Variants in RAPGEF5 observed in about 807,000 individuals in gnomAD.
RAPGEF5 encodes the protein M-Ras-regulated GEF.
Under a neutral mutation model 125.2 loss-of-function variants are expected in RAPGEF5, and 65 were observed. The observed-to-expected ratio is 0.52, with a 90% CI of 0.43 to 0.64. RAPGEF5 has a LOEUF of 0.64. Ranked by LOEUF, RAPGEF5 falls within the 30% of genes least tolerant of loss-of-function variation. RAPGEF5 has a pLI of 0.00. For synonymous variants in RAPGEF5, 391 were observed against 385.9 expected (o/e 1.01, Z -0.16); for missense variants, 958 against 1,048.1 (o/e 0.91, Z 1.19).
intron 7 of RAPGEF5, among the ~76,000 whole-genome samples, chr7:22,261,769 G>A (rs554989215): frequency 2.6e-5 from 4 of 152,004 alleles, no homozygotes; most frequent in African/African-American, 7.2e-5. Context: ...ATACAAATAC[G>A]CCCACATGAC....
At chr7:22,266,876 G>A in intron 7 of RAPGEF5, 88 bp downstream of exon 7, 5 of 1,321,658 alleles carry the variant, frequency 3.8e-6, no homozygotes, top group Non-Finnish European at 5.4e-6. Context: ...AACTTCCTGA[G>A]ATACACTCAA....
chr7:22,166,447 T>C (rs985260147), intron 12 of RAPGEF5, among the ~76,000 whole-genome samples: 4 of 152,226 alleles, frequency 2.6e-5, no homozygotes, highest in African/African-American at 9.6e-5. Context: ...TTTGTGGCAT[T>C]TCAATGATCC....
At chr7:22,129,159 T>G (rs528795025) in intron 24 of RAPGEF5, among the ~76,000 whole-genome samples, 457 of 148,614 alleles carry the variant, frequency 3.1e-3, no homozygotes, top group Admixed American at 5.1e-3. Context: ...CTTGTTCAGG[T>G]TTTTTTTTTA....
rs117392674 is a variant in RAPGEF5 at position 22,330,612 on chromosome 7, C to T, written c.232-12575G>A. Among the ~76,000 whole-genome samples the T allele has an allele frequency of 5.5e-3, 841 of 152,266 alleles. 9 individuals carry two copies. The highest frequency in any genetic ancestry group is 5.7e-3 in the Non-Finnish European group (391 of 68,026). On this transcript the variant is annotated intron_variant, in intron 1 of 25. Coordinates refer to ENST00000665637, the MANE Select transcript of RAPGEF5 (RefSeq NM_012294.5). ...AAGTGCTTAGGATCACTTTCTCTTG[C>T]CATTAACCTCTGAATAATCAAATCT...
intron 9 of RAPGEF5, among the ~76,000 whole-genome samples, chr7:22,198,807 T>A (rs1038709648): frequency 6.6e-6 from 1 of 152,172 alleles, no homozygotes; most frequent in Admixed American, 6.5e-5. Context: ...AATGATCCTA[T>A]GAGACTAATG....
intron 1 of RAPGEF5, among the ~76,000 whole-genome samples, chr7:22,324,999 A>G (rs536420018): frequency 2.0e-5 from 3 of 152,170 alleles, no homozygotes; most frequent in South Asian, 4.2e-4. Flanking sequence ...TCTCCTTTTT[A>G]TGAGACAAAC....
chr7:22,234,172 C>G (rs1021114491), intron 7 of RAPGEF5, among the ~76,000 whole-genome samples: 2 of 151,988 alleles, frequency 1.3e-5, no homozygotes, highest in East Asian at 3.9e-4. Flanking sequence ...TATATGGTCC[C>G]CTAAAAGGGA....
At chr7:22,153,651 C>T (rs1265717566) in intron 17 of RAPGEF5, among the ~76,000 whole-genome samples, 4 of 152,144 alleles carry the variant, frequency 2.6e-5, no homozygotes, top group Admixed American at 1.3e-4. Flanking sequence ...AACAGGAATG[C>T]GGTTAATCTG....
chr7:22,351,535 T>C (rs1320531277), intron 1 of RAPGEF5, among the ~76,000 whole-genome samples: 1 of 152,220 alleles, frequency 6.6e-6, no homozygotes, highest in African/African-American at 2.4e-5. Context: ...ACACACTCTG[T>C]AACCTCGGGC....
chr7:22,145,471 C>T (rs1162672011), intron 19 of RAPGEF5, among the ~76,000 whole-genome samples: 2 of 152,166 alleles, frequency 1.3e-5, no homozygotes, highest in Non-Finnish European at 2.9e-5. Context: ...TCTTTATATA[C>T]AAATCTAAGA....
chr7:22,218,485 T>C (rs1422682809), intron 9 of RAPGEF5, among the ~76,000 whole-genome samples: 1 of 152,170 alleles, frequency 6.6e-6, no homozygotes, highest in Non-Finnish European at 1.5e-5. Flanking sequence ...ATGCTCACAA[T>C]TAAACTATGA....
intron 24 of RAPGEF5, 127 bp downstream of exon 24, chr7:22,130,910 T>A: frequency 7.6e-7 from 1 of 1,321,426 alleles, no homozygotes; most frequent in Non-Finnish European, 1.0e-6. Context: ...ATGAAGCAAA[T>A]AAGCTCCTTG....
chr7:22,188,748 G>C (rs2128124316), intron 11 of RAPGEF5, among the ~76,000 whole-genome samples: 2 of 143,862 alleles, frequency 1.4e-5, no homozygotes, highest in Middle Eastern at 3.6e-3. Flanking sequence ...CCTGGTGACA[G>C]AGTGAGACTC....
intron 7 of RAPGEF5, among the ~76,000 whole-genome samples, chr7:22,235,047 C>G (rs1318304478): frequency 6.6e-6 from 1 of 152,050 alleles, no homozygotes; most frequent in South Asian, 2.1e-4. Context: ...ATCAACCAAC[C>G]CATTTCTTTA....
At chr7:22,229,022 A>G (rs939163474) in intron 8 of RAPGEF5, among the ~76,000 whole-genome samples, 19 of 152,256 alleles carry the variant, frequency 1.2e-4, no homozygotes, top group Admixed American at 9.8e-4. Context: ...CATGCATGCT[A>G]GGTACTGTCT....
chr7:22,166,972 T>A, intron 12 of RAPGEF5, 98 bp downstream of exon 12: 1 of 938,882 alleles, frequency 1.1e-6, no homozygotes, highest in South Asian at 1.5e-5. Flanking sequence ...CACATTCTAC[T>A]ATGGGGTTGA....
chr7:22,356,270 A>C (rs975041007), intron 1 of RAPGEF5: 21 of 984,922 alleles, frequency 2.1e-5, no homozygotes, highest in Non-Finnish European at 2.4e-5. Context: ...GAGGGTGTCC[A>C]GGAGTATTAA....
At chr7:22,331,757 A>G (rs1218850067) in intron 1 of RAPGEF5, among the ~76,000 whole-genome samples, 2 of 151,580 alleles carry the variant, frequency 1.3e-5, no homozygotes, top group South Asian at 2.1e-4. Context: ...AAAAAAAAAA[A>G]AAAAGAAAAA....
intron 24 of RAPGEF5, among the ~76,000 whole-genome samples, chr7:22,128,750 A>G (rs1782824201): frequency 6.6e-6 from 1 of 152,094 alleles, no homozygotes; most frequent in African/African-American, 2.4e-5. Flanking sequence ...CCAGGTGTGG[A>G]GCCTGCCCTC....
Sources: allele counts gnomAD v4.1 joint callset (sites outside exome capture counted in the v4.1 genomes callset), GRCh38; gene constraint gnomAD v4.1.1; transcripts MANE v1.5; gene names NCBI Gene and HGNC (gene_info 2026-07-23, HGNC 2026-07-21).